NLRP8: variants seen among roughly 807,000 people sequenced by gnomAD.
NLRP8 encodes NLR family pyrin domain containing 8.
NLRP8 carries 86 observed loss-of-function variants against 88.7 expected under a neutral mutation model. The ratio of observed to expected loss-of-function variants is 0.97; its 90% confidence interval spans 0.81 to 1.16. NLRP8 has a LOEUF of 1.16. Ranked by LOEUF, NLRP8 falls within the 50% of genes most tolerant of loss-of-function variation. The pLI, the probability that NLRP8 is intolerant of heterozygous loss-of-function variation, is 0.00. For missense variants in NLRP8, 1,342 were observed against 1,286.5 expected (o/e 1.04, Z -0.66); for synonymous variants, 504 against 494.6 (o/e 1.02, Z -0.25).
At chr19:55,950,220 G>A (rs917501019) in intron 1 of NLRP8, among the ~76,000 whole-genome samples, 5 of 151,256 alleles carry the variant, frequency 3.3e-5, no homozygotes, top group South Asian at 2.1e-4. Flanking sequence ...AGACCAGCCC[G>A]GCCAACATGG....
Position 55,973,719 on chromosome 19 carries a change from A to T in NLRP8, c.2602A>T (p.Met868Leu). The change falls in exon 7 of 10, where the codon ATG becomes TTG. Residue 868 changes from methionine (M) to leucine (L), a missense_variant. Met to Leu is a conservative substitution (Grantham distance 15, BLOSUM62 2). Coordinates refer to ENST00000291971, the MANE Select transcript of NLRP8 (RefSeq NM_176811.2). ...TGCCTCCTGTCTCAGGCAGAGTAAG[A>T]TGCTGACCCACCTGAGCTTGGCAGA... The T allele has an allele frequency of 6.2e-7, 1 of 1,614,118 alleles. No homozygotes were observed.
chr19:55,970,324 T>C (rs557170066), intron 5 of NLRP8, among the ~76,000 whole-genome samples: 4 of 152,228 alleles, frequency 2.6e-5, no homozygotes, highest in Non-Finnish European at 5.9e-5. Context: ...CAGTCGTTAT[T>C]GTATTCCAGT....
At position 55,966,366 on chromosome 19, in the gene NLRP8, T is replaced by C; in HGVS notation, c.2367T>C (p.Arg789=). 6.2e-7 allele frequency: 1 copy of C among 1,613,814 alleles called. No homozygotes were observed. The highest frequency in any genetic ancestry group is 8.5e-7 in the Non-Finnish European group (1 of 1,179,812). ...GGGTGCTGAGATCCCCCCGGTGCCG[T>C]CTGCAGTGTCTCAGGTGAGATTTGA... The change falls in exon 5 of 10, where the codon CGT becomes CGC. Residue 789 remains arginine (R), a synonymous_variant. Coordinates refer to ENST00000291971, the MANE Select transcript of NLRP8 (RefSeq NM_176811.2).
chr19:55,972,012 G>C (rs977528354), intron 6 of NLRP8, among the ~76,000 whole-genome samples: 1 of 151,502 alleles, frequency 6.6e-6, no homozygotes, highest in Non-Finnish European at 1.5e-5. Context: ...TATAACTTCC[G>C]AAATTATGTC....
In NLRP8 at chr19:55,976,227, A is replaced by G. The variant is rs764167213; in HGVS notation, c.2800A>G (p.Asn934Asp). ...CCTGAAAAGTCTTGACCTAAGTTTTAATAGCCTGAAGGATGATGGGGTGAT... is the reference window on the plus strand; with the variant it reads ...CCTGAAAAGTCTTGACCTAAGTTTTGATAGCCTGAAGGATGATGGGGTGAT... Residue 934 changes from asparagine to aspartate, a missense_variant, in exon 8 of 10, where the codon AAT (asparagine) becomes GAT (aspartate). By Grantham distance (23) the Asn-to-Asp change is conservative (BLOSUM62 1). Coordinates refer to ENST00000291971, the MANE Select transcript of NLRP8 (RefSeq NM_176811.2). 6.2e-7 allele frequency: 1 copy of G among 1,613,992 alleles called. No homozygotes were observed. The highest frequency in any genetic ancestry group is 1.1e-5 in the South Asian group (1 of 91,060).
chr19:55,955,890 A>G lies in NLRP8; in HGVS notation c.1832A>G (p.Tyr611Cys). The G allele has an allele frequency of 6.2e-7, 1 of 1,614,180 alleles. No homozygotes were observed. Among genetic ancestry groups the G allele is most frequent in the Non-Finnish European group, 8.5e-7 (1 of 1,180,024 alleles). Residue 611 changes from tyrosine (Y) to cysteine (C), a missense_variant, in exon 3 of 10, where the codon TAC (tyrosine) becomes TGC (cysteine). By Grantham distance (194) the Tyr-to-Cys change is radical. Coordinates refer to ENST00000291971, the MANE Select transcript of NLRP8 (RefSeq NM_176811.2). ...GGCAGTGGGGTCCCGCAGTTATTCTACTGTCTGCATGAAATCCGGGAGGAA... is the reference window on the plus strand; with the variant it reads ...GGCAGTGGGGTCCCGCAGTTATTCTGCTGTCTGCATGAAATCCGGGAGGAA...
At chr19:55,985,136 T>C (rs987781043) in intron 9 of NLRP8, among the ~76,000 whole-genome samples, 1 of 152,072 alleles carries the variant, frequency 6.6e-6, no homozygotes, top group Non-Finnish European at 1.5e-5. Context: ...ACCCCGTCTC[T>C]ACTAAAGATA....
At position 55,948,283 on chromosome 19, in the gene NLRP8, TG is replaced by T. The variant is rs1165661463; in HGVS notation, c.367+16del. 6.3e-7 allele frequency: 1 copy of T among 1,595,490 alleles called. No individual in the cohort carries two copies. The highest frequency in any genetic ancestry group is 1.3e-5 in the African/African-American group (1 of 74,382). ...GAGAGATAAATGGTGAGTGTTGATC[TG>T]GTGGATAAAGTGGGGGTGGGCTTGG... is the stretch of plus-strand genomic sequence containing the variant. On this transcript the variant is annotated intron_variant, in intron 1 of 9. Coordinates refer to ENST00000291971, the MANE Select transcript of NLRP8 (RefSeq NM_176811.2).
At chr19:55,973,871 G>A in intron 7 of NLRP8, 49 bp downstream of exon 7, 1 of 1,532,546 alleles carries the variant, frequency 6.5e-7, no homozygotes, top group Non-Finnish European at 8.9e-7. Flanking sequence ...GCAGAACAGG[G>A]TGATGAAGAG....
At chr19:55,956,798 C>T (rs1979376505) in intron 3 of NLRP8, among the ~76,000 whole-genome samples, 2 of 151,954 alleles carry the variant, frequency 1.3e-5, no homozygotes. Flanking sequence ...TCATCTATCA[C>T]TCCTACTTCT....
At position 55,955,563 on chromosome 19, in the gene NLRP8, A is replaced by C. The variant is rs1206183426; in HGVS notation, c.1505A>C (p.His502Pro). The change falls in exon 3 of 10, where the codon CAC becomes CCC. Residue 502 changes from histidine (H) to proline (P), a missense_variant. Physicochemically the swap from His to Pro is moderately conservative, Grantham distance 77. Coordinates refer to ENST00000291971, the MANE Select transcript of NLRP8 (RefSeq NM_176811.2). Reference sequence around the variant, plus strand: ...CGGAGAATTGCAGGTGAGGAAGACCACTATGTCTTTACCCTCGTGACTTTT... The same window carrying C: ...CGGAGAATTGCAGGTGAGGAAGACCCCTATGTCTTTACCCTCGTGACTTTT... 6.2e-7 allele frequency: 1 copy of C among 1,614,070 alleles called. No homozygotes were observed. The highest frequency in any genetic ancestry group is 1.3e-5 in the African/African-American group (1 of 74,926).
At chr19:55,969,445 T>C (rs1979980847) in intron 5 of NLRP8, among the ~76,000 whole-genome samples, 1 of 152,244 alleles carries the variant, frequency 6.6e-6, no homozygotes, top group African/African-American at 2.4e-5. Flanking sequence ...TCATTCTTTT[T>C]TCATGGCTGA....
rs1979645510 is a variant in NLRP8 at position 55,962,211 on chromosome 19, C to A, written c.2187C>A (p.His729Gln). The A allele has an allele frequency of 6.2e-7, 1 of 1,613,806 alleles. No homozygotes were observed. The highest frequency in any genetic ancestry group is 8.5e-7 in the Non-Finnish European group (1 of 1,179,912). ...AGGCTCTCGCGGCCGCACTGAGGCA[C>A]CCTCAGTGCAAACTGCAAAAGCTAC... Residue 729 changes from histidine to glutamine, a missense_variant, in exon 4 of 10, where the codon CAC becomes CAA. By Grantham distance (24) the His-to-Gln change is conservative. Coordinates refer to ENST00000291971, the MANE Select transcript of NLRP8 (RefSeq NM_176811.2).
intron 3 of NLRP8, among the ~76,000 whole-genome samples, chr19:55,957,679 ATATATAT>A (rs1979431703): frequency 7.0e-4 from 1 of 1,438 alleles, no homozygotes; most frequent in African/African-American, 1.3e-3. Context: ...ATAATTATAT[ATATATAT>A]ATATATATAT....
chr19:55,953,066 T>G (rs1002708349), intron 2 of NLRP8, among the ~76,000 whole-genome samples: 4 of 152,134 alleles, frequency 2.6e-5, no homozygotes, highest in African/African-American at 9.7e-5. Flanking sequence ...CAACCAAAGC[T>G]TCATCTGTAT....
intron 8 of NLRP8, among the ~76,000 whole-genome samples, chr19:55,978,727 G>A (rs1980451540): frequency 6.6e-6 from 1 of 152,150 alleles, no homozygotes; most frequent in Non-Finnish European, 1.5e-5. Context: ...CAACTTTTCA[G>A]TGAGTACTGT....
intron 9 of NLRP8, among the ~76,000 whole-genome samples, chr19:55,980,460 T>C (rs577858264): frequency 6.6e-6 from 1 of 152,300 alleles, no homozygotes; most frequent in East Asian, 1.9e-4. Flanking sequence ...GGGTCAGAAA[T>C]ACGACAGCGA....
chr19:55,986,395 T>C (rs1173800467), intron 9 of NLRP8, among the ~76,000 whole-genome samples: 3 of 139,454 alleles, frequency 2.2e-5, no homozygotes, highest in East Asian at 2.1e-4. Context: ...CTCACACACA[T>C]ACACACTGTC....
In NLRP8 at chr19:55,970,594, A is replaced by G. The variant is rs143689901; in HGVS notation, c.2432A>G (p.Asn811Ser). The change falls in exon 6 of 10, where the codon AAT (asparagine) becomes AGT (serine). Residue 811 changes from asparagine to serine, a missense_variant. Physicochemically the swap from Asn to Ser is conservative, Grantham distance 46 (BLOSUM62 1). Transcript: ENST00000291971. Reference sequence around the variant, plus strand: ...AGAATTTGGACTGATCTTGGCAATAATCTTCAAGGTAACGGGCATCTAAAG... The same window carrying G: ...AGAATTTGGACTGATCTTGGCAATAGTCTTCAAGGTAACGGGCATCTAAAG... 34 of 1,614,010 alleles carry G rather than the reference A, an allele frequency of 2.1e-5. No individual in the cohort carries two copies. Among genetic ancestry groups the G allele is most frequent in the Non-Finnish European group, 2.8e-5 (33 of 1,180,044 alleles).
Sources: gnomAD v4.1 joint callset for allele counts (sites outside exome capture counted in the v4.1 genomes callset) on GRCh38, gnomAD v4.1.1 for gene constraint, MANE v1.5 for transcripts, NCBI Gene and HGNC (gene_info 2026-07-23, HGNC 2026-07-21) for gene names.